Variants in SENP7 observed in about 807,000 individuals in gnomAD.
SENP7 encodes SUMO specific peptidase 7, also known as sentrin-specific protease 7.
SENP7 carries 64 observed loss-of-function variants against 141.2 expected under a neutral mutation model. That is an observed-to-expected ratio of 0.45 (90% CI 0.37 to 0.56). The LOEUF (loss-of-function observed/expected upper bound fraction) is 0.56, where lower values mean the gene tolerates loss of function less well. SENP7 is among the 20% of genes least tolerant of loss of function. SENP7 has a pLI of 0.00. For missense variants in SENP7, 1,025 were observed against 1,212.2 expected, an observed-to-expected ratio of 0.85 and a Z score of 2.29; for synonymous variants, 382 against 426.4, an observed-to-expected ratio of 0.90 and a Z score of 1.28.
chr3:101,377,800 A>G (rs1214701121), intron 6 of SENP7, among the ~76,000 whole-genome samples: 2 of 152,208 alleles, frequency 1.3e-5, no homozygotes, highest in Non-Finnish European at 2.9e-5. Context: ...TCCATGTGGG[A>G]GAAGGGAAAT....
chr3:101,444,066 C>A (rs2062790008), intron 4 of SENP7, among the ~76,000 whole-genome samples: 1 of 139,458 alleles, frequency 7.2e-6, no homozygotes, highest in South Asian at 2.4e-4. Context: ...ACAACCCCAT[C>A]AAAAAGTGGG....
chr3:101,360,719 A>G (rs1327744336), intron 11 of SENP7, among the ~76,000 whole-genome samples: 1 of 152,220 alleles, frequency 6.6e-6, no homozygotes, highest in African/African-American at 2.4e-5. Context: ...AAGTTTATAT[A>G]AGAATATAGG....
chr3:101,430,376 G>T (rs2062117529), intron 4 of SENP7, among the ~76,000 whole-genome samples: 1 of 152,146 alleles, frequency 6.6e-6, no homozygotes, highest in South Asian at 2.1e-4. Context: ...CCTGTTATTG[G>T]TCTATTCAGA....
At position 101,325,470 on chromosome 3, in the gene SENP7, A is replaced by G. The variant is rs2058876001; in HGVS notation, c.*473T>C. 1.3e-5 allele frequency: 2 copies of G among 152,564 alleles called. No homozygotes were observed. Among genetic ancestry groups the G allele is most frequent in the Non-Finnish European group, 2.9e-5 (2 of 68,018 alleles). The allele number at this position is 152,564 out of a possible 1,614,324, so 9.5% of individuals were successfully genotyped here. A position where few individuals can be genotyped will look rare whatever the true frequency, so the allele number is the denominator to read the frequency against. On this transcript the variant is annotated 3_prime_UTR_variant, in exon 24 of 24. Transcript: ENST00000394095. ...CCTTGATACTAAATTATTTTTTTAA[A>G]AAATACACAGTATTCATACTGCATG...
intron 1 of SENP7, among the ~76,000 whole-genome samples, chr3:101,503,724 T>A (rs1016843674): frequency 6.6e-6 from 1 of 152,084 alleles, no homozygotes; most frequent in Non-Finnish European, 1.5e-5. Flanking sequence ...GGTGGGTAGA[T>A]CGCTTGAGCT....
intron 4 of SENP7, among the ~76,000 whole-genome samples, chr3:101,432,259 G>C (rs1576332104): frequency 6.6e-6 from 1 of 152,200 alleles, no homozygotes; most frequent in Non-Finnish European, 1.5e-5. Flanking sequence ...TTGAGTGCCA[G>C]CTCAACCATA....
chr3:101,498,934 CCT>C (rs765106191), intron 2 of SENP7, among the ~76,000 whole-genome samples: 7 of 152,184 alleles, frequency 4.6e-5, no homozygotes, highest in Non-Finnish European at 1.0e-4. Flanking sequence ...CTTCCCGACC[CCT>C]GTCCATGGGA....
At chr3:101,332,456 C>CA (rs2059082283) in intron 18 of SENP7, among the ~76,000 whole-genome samples, 1 of 151,802 alleles carries the variant, frequency 6.6e-6, no homozygotes. Flanking sequence ...AAGATTCACT[C>CA]AAAAATATTT....
chr3:101,370,113 C>G (rs1444380468), intron 7 of SENP7, among the ~76,000 whole-genome samples: 1 of 152,158 alleles, frequency 6.6e-6, no homozygotes, highest in Non-Finnish European at 1.5e-5. Flanking sequence ...GTATTAGAAA[C>G]ACTTTCCCTA....
intron 3 of SENP7, among the ~76,000 whole-genome samples, chr3:101,477,715 G>A (rs1400207030): frequency 6.6e-6 from 1 of 152,008 alleles, no homozygotes; most frequent in Admixed American, 6.6e-5. Flanking sequence ...GCTGAGTGTG[G>A]TGGTGGGTGC....
Position 101,337,551 on chromosome 3 carries a change from G to C in SENP7, c.2438C>G (p.Thr813Arg). The change falls in exon 17 of 24, where the codon ACA becomes AGA. Residue 813 changes from threonine to arginine, a missense_variant. By Grantham distance (71) the Thr-to-Arg change is moderately conservative. This residue lies in a region of SENP7 where 295 missense variants were observed against 459.1 expected (regional missense o/e 0.64). Coordinates refer to ENST00000394095, the MANE Select transcript of SENP7 (RefSeq NM_020654.5). Reference protein sequence around the residue: ...IFSSFFYKCLTRKENNLTEDN... With the variant: ...IFSSFFYKCLRRKENNLTEDN... The stretch of plus-strand genomic sequence containing the variant: ...TTCTGTTAAATTATTTTCCTTTCTT[G>C]TCAAGCATTTATAGAAAAAGCTACT... The C allele has an allele frequency of 6.4e-7, 1 of 1,572,196 alleles. No individual in the cohort carries two copies. The highest frequency in any genetic ancestry group is 8.7e-7 in the Non-Finnish European group (1 of 1,145,124).
At chr3:101,512,552 C>T (rs1249772757) in intron 1 of SENP7, among the ~76,000 whole-genome samples, 1 of 152,150 alleles carries the variant, frequency 6.6e-6, no homozygotes, top group African/African-American at 2.4e-5. Context: ...GGCTATTAGG[C>T]GGGCCTGTTC....
intron 3 of SENP7, among the ~76,000 whole-genome samples, chr3:101,465,652 T>G (rs534493459): frequency 2.6e-5 from 4 of 152,222 alleles, no homozygotes; most frequent in Non-Finnish European, 5.9e-5. Flanking sequence ...TAGGAAAAAG[T>G]TTTTCCCTAC....
At chr3:101,453,991 G>A (rs1276251230) in intron 4 of SENP7, among the ~76,000 whole-genome samples, 1 of 152,054 alleles carries the variant, frequency 6.6e-6, no homozygotes. Flanking sequence ...CACTAGGATG[G>A]AAAGATGGAA....
intron 6 of SENP7, among the ~76,000 whole-genome samples, chr3:101,385,444 C>T (rs2060625414): frequency 6.6e-6 from 1 of 152,152 alleles, no homozygotes; most frequent in Non-Finnish European, 1.5e-5. Flanking sequence ...CAGAGTCTAA[C>T]GTCAACTATG....
intron 2 of SENP7, among the ~76,000 whole-genome samples, chr3:101,498,963 T>C (rs530072681): frequency 9.0e-4 from 137 of 152,224 alleles, no homozygotes; most frequent in Non-Finnish European, 1.7e-3. Context: ...TCTTCCACGA[T>C]ACTGGTCCCT....
rs573488414 is a variant in SENP7 at position 101,431,610 on chromosome 3, C to A, written c.285-13820G>T. Among the ~76,000 whole-genome samples the A allele has an allele frequency of 1.1e-4, 16 of 149,978 alleles. No individual in the cohort carries two copies. The East Asian group carries it at 3.0e-3, about 28-fold the overall frequency. On this transcript the variant is annotated intron_variant, in intron 4 of 23. Coordinates refer to ENST00000394095, the MANE Select transcript of SENP7 (RefSeq NM_020654.5). ...ACCATCCTGGCCAACATGGTGAAAC[C>A]CTGTCTCGACTAAAAATACAAAAAT...
chr3:101,412,802 G>A (rs1368351667), intron 5 of SENP7, among the ~76,000 whole-genome samples: 2 of 151,962 alleles, frequency 1.3e-5, no homozygotes, highest in Non-Finnish European at 2.9e-5. Context: ...TTTCTCCCAG[G>A]AAAATAGATA....
intron 4 of SENP7, among the ~76,000 whole-genome samples, chr3:101,439,568 G>A (rs2062561672): frequency 2.0e-4 from 8 of 39,406 alleles, no homozygotes; most frequent in Admixed American, 5.4e-4. Flanking sequence ...CCCCCCGCCC[G>A]GCCAGCCGCC....
Sources: allele counts gnomAD v4.1 joint callset (sites outside exome capture counted in the v4.1 genomes callset), GRCh38; gene constraint gnomAD v4.1.1; regional missense constraint gnomAD v4.1.1; transcripts MANE v1.5; gene names NCBI Gene and HGNC (gene_info 2026-07-23, HGNC 2026-07-21).